The following RDX variants were observed in gnomAD, a reference collection of about 807,000 sequenced individuals.
RDX encodes the protein deafness, autosomal recessive 24.
A neutral mutation model predicts 83.7 loss-of-function variants in RDX; 32 were observed. That is an observed-to-expected ratio of 0.38 (90% CI 0.29 to 0.51). RDX has a LOEUF of 0.51. Among genes scored for constraint, RDX ranks in the 20% least tolerant of loss-of-function variants. The pLI, the probability that RDX is intolerant of heterozygous loss-of-function variation, is 0.87. For missense variants in RDX, 600 were observed against 689.9 expected (o/e 0.87, Z 1.46); for synonymous variants, 229 against 222.7 (o/e 1.03, Z -0.25).
At chr11:110,215,288 G>T (rs1434821827) in intron 14 of RDX, among the ~76,000 whole-genome samples, 1 of 150,182 alleles carries the variant, frequency 6.7e-6, no homozygotes, top group Non-Finnish European at 1.5e-5. Context: ...GCATGAACCC[G>T]GGAGGCAGAG....
intron 1 of RDX, among the ~76,000 whole-genome samples, chr11:110,290,681 C>T (rs942460026): frequency 9.2e-5 from 14 of 152,140 alleles, no homozygotes; most frequent in African/African-American, 3.4e-4. Flanking sequence ...AAGCAGTGGT[C>T]GGCAAACTTT....
chr11:110,178,388 A>G (rs1862818873), intron 15 of RDX, among the ~76,000 whole-genome samples: 1 of 152,164 alleles, frequency 6.6e-6, no homozygotes, highest in Non-Finnish European at 1.5e-5. Flanking sequence ...TCCAGTTGCT[A>G]AGTTACATGC....
chr11:110,190,708 GAA>G (rs374748918), intron 15 of RDX, among the ~76,000 whole-genome samples: 4 of 152,024 alleles, frequency 2.6e-5, no homozygotes, highest in Non-Finnish European at 5.9e-5. Flanking sequence ...TAGATTAATA[GAA>G]AAAAGAGATG....
intron 15 of RDX, among the ~76,000 whole-genome samples, chr11:110,191,883 T>C (rs566071749): frequency 6.6e-6 from 1 of 152,006 alleles, no homozygotes; most frequent in Admixed American, 6.6e-5. Flanking sequence ...AAATAAATCA[T>C]AGATGATCCA....
At chr11:110,252,435 A>G (rs1175151929) in intron 9 of RDX, among the ~76,000 whole-genome samples, 1 of 152,150 alleles carries the variant, frequency 6.6e-6, no homozygotes, top group African/African-American at 2.4e-5. Context: ...ATATATCAAC[A>G]TTATGAATGA....
Position 110,231,891 on chromosome 11 carries a change from A to G in RDX, c.1730T>C (p.Ile577Thr), listed in dbSNP as rs745727415. 6.2e-7 allele frequency: 1 copy of G among 1,612,944 alleles called. No homozygotes were observed. The highest frequency in any genetic ancestry group is 2.2e-5 in the East Asian group (1 of 44,876). The change falls in exon 14 of 14, where the codon ATC (isoleucine) becomes ACC (threonine). Residue 577 changes from isoleucine to threonine, a missense_variant. Physicochemically the swap from Ile to Thr is moderately conservative, Grantham distance 89 (BLOSUM62 -1). Transcript: ENST00000645495. ...QIRQGNTKQR[I>T]DEFEAM ...CTCTCACATTGCTTCAAACTCATCG[A>G]TACGCTGCTTTGTATTGCCTTGTCG...
intron 2 of RDX, among the ~76,000 whole-genome samples, chr11:110,273,418 A>G (rs1425637648): frequency 3.3e-5 from 5 of 152,196 alleles, no homozygotes; most frequent in African/African-American, 1.2e-4. Flanking sequence ...TGTTGTTTTT[A>G]GAGACAGGGT....
At chr11:110,268,239 G>A (rs1048235344) in intron 3 of RDX, among the ~76,000 whole-genome samples, 47 of 151,708 alleles carry the variant, frequency 3.1e-4, no homozygotes, top group Non-Finnish European at 3.1e-4. Context: ...CCCGGGAGGC[G>A]GAGGTTGCAC....
intron 2 of RDX, among the ~76,000 whole-genome samples, chr11:110,274,728 T>C (rs2134410029): frequency 6.6e-6 from 1 of 152,330 alleles, no homozygotes. Context: ...TTTTTCACCA[T>C]ATGTTTCTAA....
intron 7 of RDX, among the ~76,000 whole-genome samples, chr11:110,256,417 T>C (rs1165842960): frequency 6.6e-6 from 1 of 152,236 alleles, no homozygotes; most frequent in African/African-American, 2.4e-5. Flanking sequence ...CATAGTATTT[T>C]AGAGAACACT....
At chr11:110,234,932 G>C (rs951612169) in intron 12 of RDX, among the ~76,000 whole-genome samples, 1 of 152,108 alleles carries the variant, frequency 6.6e-6, no homozygotes, top group Admixed American at 6.5e-5. Context: ...TTTCAGTTAA[G>C]AGTTAATGTT....
intron 13 of RDX, 72 bp from the exon 14 acceptor site, chr11:110,232,105 A>G: frequency 1.6e-6 from 2 of 1,216,020 alleles, no homozygotes; most frequent in South Asian, 2.5e-5. Context: ...AATGGCTTTA[A>G]GATGCAAAAA....
At chr11:110,187,696 GA>G (rs1352522244) in intron 15 of RDX, among the ~76,000 whole-genome samples, 1 of 152,218 alleles carries the variant, frequency 6.6e-6, no homozygotes, top group Non-Finnish European at 1.5e-5. Flanking sequence ...GCCATTAGGG[GA>G]CCTGTAAGCA....
chr11:110,280,504 C>T (rs1209771595), intron 1 of RDX, among the ~76,000 whole-genome samples: 1 of 152,244 alleles, frequency 6.6e-6, no homozygotes, highest in African/African-American at 2.4e-5. Context: ...CCAACTGTGC[C>T]TCCCAAAGTG....
At chr11:110,180,654 CT>C (rs11295043) in intron 15 of RDX, among the ~76,000 whole-genome samples, 81,005 of 141,816 alleles carry the variant, frequency 0.57, 23,113 homozygotes, top group East Asian at 0.72. Context: ...TATCTCAGAA[CT>C]TTTTTTTTTT....
chr11:110,266,821 C>T (rs1256118172), intron 3 of RDX, among the ~76,000 whole-genome samples: 4 of 152,108 alleles, frequency 2.6e-5, no homozygotes, highest in African/African-American at 9.7e-5. Context: ...CTCCTGGCCT[C>T]AAGTGATCCT....
Position 110,177,159 on chromosome 11 carries a change from T to A in RDX, c.*32-1925A>T, listed in dbSNP as rs190733088. On this transcript the variant is annotated intron_variant, in intron 15 of 15. Coordinates refer to the RDX transcript ENST00000528498. ...TAAAAGCCAAGACAAGGAGAGATGC[T>A]CATGGAGAAGAATTTCCCACCTCCA... Among the ~76,000 whole-genome samples the A allele has an allele frequency of 1.6e-3, 241 of 152,348 alleles. 3 individuals carry two copies. The highest frequency in any genetic ancestry group is 2.9e-4 in the Non-Finnish European group (20 of 68,034).
At chr11:110,177,727 G>A (rs934855648) in intron 15 of RDX, among the ~76,000 whole-genome samples, 9 of 151,928 alleles carry the variant, frequency 5.9e-5, no homozygotes, top group Non-Finnish European at 1.0e-4. Context: ...CAGGTGGTCC[G>A]CCTGCCTCGG....
rs189455727 is a variant in RDX, at chr11:110,176,663, T to C, written c.*32-1429A>G. ...CGCTTTCCAGATTGGTAGCAGGAAA[T>C]GCCAAGTGGTGAGAGGGGTGGCGCA... On this transcript the variant is annotated intron_variant, in intron 15 of 15. Coordinates refer to the RDX transcript ENST00000528498. Among the ~76,000 whole-genome samples the C allele has an allele frequency of 5.5e-4, 84 of 152,226 alleles. 2 individuals are homozygous for C. The highest frequency in any genetic ancestry group is 6.5e-5 in the Admixed American group (1 of 15,286).
Sources: allele counts gnomAD v4.1 joint callset (sites outside exome capture counted in the v4.1 genomes callset), GRCh38; gene constraint gnomAD v4.1.1; transcripts MANE v1.5; gene names NCBI Gene and HGNC (gene_info 2026-07-23, HGNC 2026-07-21).